The following NWD2 variants were observed in gnomAD, a reference collection of about 807,000 sequenced individuals.
NWD2 encodes the protein NACHT and WD repeat domain-containing protein 2.
Under a neutral mutation model 132.7 loss-of-function variants are expected in NWD2, and 37 were observed. The observed-to-expected ratio is 0.28, with a 90% CI of 0.21 to 0.37. The LOEUF (loss-of-function observed/expected upper bound fraction) is 0.37, where lower values mean the gene tolerates loss of function less well. NWD2 is among the 10% of genes least tolerant of loss of function. NWD2 has a pLI of 1.00. For missense variants in NWD2, 1,592 were observed against 2,122.4 expected (o/e 0.75, Z 4.91); for synonymous variants, 705 against 803.0 (o/e 0.88, Z 2.06).
At chr4:37,307,540 C>T (rs1461449546) in intron 1 of NWD2, among the ~76,000 whole-genome samples, 3 of 152,080 alleles carry the variant, frequency 2.0e-5, no homozygotes. Context: ...ATGCTTTTCT[C>T]TTGCGGTTTT....
At chr4:37,403,546 C>T (rs1175649944) in intron 3 of NWD2, among the ~76,000 whole-genome samples, 2 of 152,136 alleles carry the variant, frequency 1.3e-5, no homozygotes, top group African/African-American at 4.8e-5. Context: ...GAGTGGGTTC[C>T]TGACAAAAAG....
At chr4:37,392,271 T>C (rs1720693448) in intron 3 of NWD2, among the ~76,000 whole-genome samples, 2 of 152,076 alleles carry the variant, frequency 1.3e-5, no homozygotes, top group African/African-American at 4.8e-5. Flanking sequence ...CCTGAGAGTG[T>C]AGTACAGAGG....
At chr4:37,343,791 G>GA (rs545960935) in intron 2 of NWD2, among the ~76,000 whole-genome samples, 4 of 152,200 alleles carry the variant, frequency 2.6e-5, no homozygotes, top group South Asian at 4.1e-4. Flanking sequence ...TCTCTTTTTA[G>GA]AAAAAATTTA....
chr4:37,413,654 A>G (rs1040635389), intron 3 of NWD2, among the ~76,000 whole-genome samples: 1 of 152,224 alleles, frequency 6.6e-6, no homozygotes, highest in Admixed American at 6.5e-5. Context: ...TCATTCTACT[A>G]TAAAGACACA....
Position 37,245,093 on chromosome 4 carries a change from A to G in NWD2, c.26A>G (p.Lys9Arg), listed in dbSNP as rs1287228040. The G allele has an allele frequency of 1.9e-6, 3 of 1,546,838 alleles. No individual in the cohort carries two copies. The highest frequency in any genetic ancestry group is 4.9e-5 in the East Asian group (2 of 40,842). MWPAGAGT[K>R]LPCPRDSALR... ...ATGTGGCCGGCCGGCGCGGGCACCA[A>G]GCTGCCCTGTCCCCGAGACTCTGCG... Residue 9 changes from lysine (K) to arginine (R), a missense_variant, in exon 1 of 7, where the codon AAG becomes AGG. Around this residue, in one of 7 missense-constraint regions of NWD2, gnomAD observed 88 missense variants for 92.8 expected, o/e 0.95. Transcript: ENST00000309447.
intron 1 of NWD2, among the ~76,000 whole-genome samples, chr4:37,265,590 G>A (rs1024281146): frequency 2.0e-5 from 3 of 151,852 alleles, no homozygotes; most frequent in Non-Finnish European, 4.4e-5. Flanking sequence ...TTGGCTAATG[G>A]CCCCTTCCTC....
intron 3 of NWD2, among the ~76,000 whole-genome samples, chr4:37,377,684 T>A (rs1238604271): frequency 6.6e-6 from 1 of 152,130 alleles, no homozygotes; most frequent in Non-Finnish European, 1.5e-5. Flanking sequence ...TGAGCCGAGA[T>A]CACGCCGTTG....
intron 1 of NWD2, among the ~76,000 whole-genome samples, chr4:37,252,637 C>A (rs146010859): frequency 4.2e-4 from 64 of 152,246 alleles, no homozygotes; most frequent in African/African-American, 1.5e-3. Context: ...TTCAGCTAAG[C>A]CTAGACTTGG....
intron 3 of NWD2, among the ~76,000 whole-genome samples, chr4:37,364,691 TACACACACACACACAC>T (rs57981065): frequency 6.8e-6 from 1 of 146,594 alleles, no homozygotes; most frequent in Non-Finnish European, 1.5e-5. Context: ...TACCTCCACT[TACACACACACACACAC>T]ACACACACAC....
At chr4:37,415,663 C>G (rs1365417092) in intron 3 of NWD2, among the ~76,000 whole-genome samples, 2 of 147,788 alleles carry the variant, frequency 1.4e-5, no homozygotes, top group Non-Finnish European at 1.5e-5. Flanking sequence ...GAGATCGCGC[C>G]ACTGCACTCC....
At chr4:37,248,867 C>T (rs556623040) in intron 1 of NWD2, among the ~76,000 whole-genome samples, 2 of 152,262 alleles carry the variant, frequency 1.3e-5, no homozygotes, top group African/African-American at 4.8e-5. Context: ...TCATCTGGGC[C>T]AGATGTGATT....
At chr4:37,280,969 A>C (rs550464364) in intron 1 of NWD2, among the ~76,000 whole-genome samples, 1 of 152,012 alleles carries the variant, frequency 6.6e-6, no homozygotes, top group Non-Finnish European at 1.5e-5. Context: ...CTGGAGGAGT[A>C]GGAAACCCAT....
At chr4:37,265,517 G>C (rs1318340468) in intron 1 of NWD2, among the ~76,000 whole-genome samples, 1 of 152,024 alleles carries the variant, frequency 6.6e-6, no homozygotes, top group Non-Finnish European at 1.5e-5. Flanking sequence ...CATTCTCTCT[G>C]GAGGTATTAG....
chr4:37,342,159 G>A (rs577971984), intron 2 of NWD2, among the ~76,000 whole-genome samples: 7 of 152,152 alleles, frequency 4.6e-5, no homozygotes, highest in Non-Finnish European at 1.0e-4. Flanking sequence ...TCACAGAGGC[G>A]AATCCTTCTT....
intron 3 of NWD2, among the ~76,000 whole-genome samples, chr4:37,386,545 C>T (rs76556848): frequency 0.017 from 2,526 of 152,242 alleles, 30 homozygotes; most frequent in South Asian, 0.04. Flanking sequence ...AACATGCAGT[C>T]CCAGCTCTGA....
intron 1 of NWD2, among the ~76,000 whole-genome samples, chr4:37,271,701 C>T (rs1299643099): frequency 6.6e-6 from 1 of 151,764 alleles, no homozygotes; most frequent in Non-Finnish European, 1.5e-5. Context: ...ATTACATCCA[C>T]TTATTTTACT....
chr4:37,250,338 T>C (rs1170000498), intron 1 of NWD2, among the ~76,000 whole-genome samples: 3 of 152,236 alleles, frequency 2.0e-5, no homozygotes, highest in African/African-American at 7.2e-5. Context: ...GCAGACGTTA[T>C]TCAAGTGGAG....
At chr4:37,246,724 T>G (rs1717251987) in intron 1 of NWD2, among the ~76,000 whole-genome samples, 2 of 152,198 alleles carry the variant, frequency 1.3e-5, no homozygotes, top group Admixed American at 6.5e-5. Context: ...TGTTAGACAT[T>G]TTTAGTTCTG....
At chr4:37,279,883 G>A (rs949562083) in intron 1 of NWD2, among the ~76,000 whole-genome samples, 3 of 152,166 alleles carry the variant, frequency 2.0e-5, no homozygotes, top group Non-Finnish European at 4.4e-5. Context: ...AGAATGAATA[G>A]AGAAGCCTTC....
Sources: gnomAD v4.1 joint callset for allele counts (sites outside exome capture counted in the v4.1 genomes callset) on GRCh38, gnomAD v4.1.1 for gene constraint, gnomAD v4.1.1 regional missense constraint, MANE v1.5 for transcripts, NCBI Gene and HGNC (gene_info 2026-07-23, HGNC 2026-07-21) for gene names.